Variants in PKNOX2 observed in about 807,000 individuals in gnomAD.
The protein encoded by PKNOX2 is PBX/knotted 1 homeobox 2, also known as homeobox protein PKNOX2.
Under a neutral mutation model 53.1 loss-of-function variants are expected in PKNOX2, and 14 were observed. The ratio of observed to expected loss-of-function variants is 0.26; its 90% CI spans 0.17 to 0.41. The LOEUF (loss-of-function observed/expected upper bound fraction) is 0.41, where lower values mean the gene tolerates loss of function less well. Ranked by LOEUF, PKNOX2 falls within the 10% of genes least tolerant of loss-of-function variation. PKNOX2 has a pLI of 1.00. For synonymous variants in PKNOX2, 257 were observed against 242.8 expected (o/e 1.06, Z -0.54); for missense variants, 496 against 602.8 (o/e 0.82, Z 1.85).
At chr11:125,324,470 C>T (rs1410441116) in intron 2 of PKNOX2, among the ~76,000 whole-genome samples, 2 of 152,124 alleles carry the variant, frequency 1.3e-5, no homozygotes, top group African/African-American at 2.4e-5. Flanking sequence ...GTACAAAATA[C>T]ATCTTAGGCT....
chr11:125,175,745 G>A lies in PKNOX2; in HGVS notation c.-201+10969G>A, dbSNP rs544239857. Among the ~76,000 whole-genome samples the A allele has an allele frequency of 2.2e-4, 33 of 152,304 alleles. No homozygotes were observed. In the East Asian group the frequency reaches 2.5e-3, roughly 12 times the overall value. ...AGAGCCCTGTGCTCACTGTGGGACC[G>A]TCAGAGCTGGCCTCACTTTCCCCAT... On this transcript the variant is annotated intron_variant, in intron 1 of 12. Transcript: ENST00000298282.
chr11:125,279,126 T>A (rs1946376048), intron 2 of PKNOX2, among the ~76,000 whole-genome samples: 2 of 152,218 alleles, frequency 1.3e-5, no homozygotes, highest in African/African-American at 4.8e-5. Flanking sequence ...TGTGGCACCT[T>A]GGTCAAGTGC....
chr11:125,315,506 C>T (rs1287590137), intron 2 of PKNOX2, among the ~76,000 whole-genome samples: 1 of 152,048 alleles, frequency 6.6e-6, no homozygotes, highest in Non-Finnish European at 1.5e-5. Flanking sequence ...GGGCTTGGTG[C>T]CAGCACAGAG....
intron 2 of PKNOX2, among the ~76,000 whole-genome samples, chr11:125,285,926 C>CT (rs766023675): frequency 1.3e-5 from 2 of 152,214 alleles, no homozygotes; most frequent in African/African-American, 4.8e-5. Flanking sequence ...CTTTGCATCT[C>CT]TTCCCCCTTC....
At chr11:125,285,899 T>C (rs557493108) in intron 2 of PKNOX2, among the ~76,000 whole-genome samples, 1 of 152,342 alleles carries the variant, frequency 6.6e-6, no homozygotes, top group East Asian at 1.9e-4. Context: ...GTGGAAATCC[T>C]GGGTGATGGT....
intron 2 of PKNOX2, among the ~76,000 whole-genome samples, chr11:125,301,298 C>A (rs1948046730): frequency 6.6e-6 from 1 of 152,078 alleles, no homozygotes; most frequent in Non-Finnish European, 1.5e-5. Flanking sequence ...GATCCTCCAG[C>A]CCATATGCCC....
At chr11:125,192,262 G>T (rs1956924294) in intron 1 of PKNOX2, among the ~76,000 whole-genome samples, 1 of 152,212 alleles carries the variant, frequency 6.6e-6, no homozygotes, top group South Asian at 2.1e-4. Flanking sequence ...ACTAGGGTTG[G>T]CAGAAGGCTC....
At chr11:125,382,577 T>C (rs554479170) in intron 5 of PKNOX2, among the ~76,000 whole-genome samples, 1 of 152,322 alleles carries the variant, frequency 6.6e-6, no homozygotes, top group African/African-American at 2.4e-5. Flanking sequence ...GGGAGGTTCA[T>C]AAGGCGCAAT....
intron 2 of PKNOX2, among the ~76,000 whole-genome samples, chr11:125,249,409 G>A (rs975959996): frequency 3.9e-5 from 6 of 152,110 alleles, no homozygotes; most frequent in Admixed American, 2.6e-4. Context: ...CCACATCCAC[G>A]AATTCAATCA....
At chr11:125,306,130 C>T (rs1948437090) in intron 2 of PKNOX2, among the ~76,000 whole-genome samples, 1 of 152,062 alleles carries the variant, frequency 6.6e-6, no homozygotes, top group African/African-American at 2.4e-5. Flanking sequence ...GGCCATTCAC[C>T]AAGTCTCTCA....
intron 2 of PKNOX2, among the ~76,000 whole-genome samples, chr11:125,290,315 A>G (rs141018433): frequency 1.1e-3 from 172 of 152,276 alleles, no homozygotes; most frequent in Non-Finnish European, 2.0e-3. Flanking sequence ...TTTTGATGTG[A>G]TGCAAGTTCT....
chr11:125,310,886 C>T (rs575138601), intron 2 of PKNOX2, among the ~76,000 whole-genome samples: 1 of 152,048 alleles, frequency 6.6e-6, no homozygotes, highest in East Asian at 1.9e-4. Flanking sequence ...GGAGTTCAAT[C>T]GTTTGCTTTC....
At chr11:125,221,619 T>A (rs1941161250) in intron 1 of PKNOX2, among the ~76,000 whole-genome samples, 1 of 152,164 alleles carries the variant, frequency 6.6e-6, no homozygotes, top group Non-Finnish European at 1.5e-5. Flanking sequence ...TAATAAATCA[T>A]ATAGTGCCCT....
At position 125,393,154 on chromosome 11, in the gene PKNOX2, G is replaced by A. The variant is rs142842859; in HGVS notation, c.400-4720G>A. On this transcript the variant is annotated intron_variant, in intron 6 of 12. Transcript: ENST00000298282. ...CAGCCTGGGCGACAGAGCAAGACTC[G>A]TCTCAAAAAAAAAAAAAAAAAGAGA... Among the ~76,000 whole-genome samples the A allele has an allele frequency of 8.9e-3, 1,226 of 137,048 alleles. 18 individuals are homozygous for A. Among genetic ancestry groups the A allele is most frequent in the African/African-American group, 0.031 (1,097 of 35,646 alleles). 89.9% of individuals were successfully genotyped at this position (137,048 alleles called of 152,430 possible). A position where few individuals can be genotyped will look rare whatever the true frequency, so the allele number is the denominator to read the frequency against.
In PKNOX2 at chr11:125,178,710, GAAAGAA is replaced by G. The variant is rs373696593; in HGVS notation, c.-201+13936_-201+13941del. Among the ~76,000 whole-genome samples, 785 of 125,004 alleles carry G rather than the reference GAAAGAA, an allele frequency of 6.3e-3. 83 individuals carry two copies. Among genetic ancestry groups the G allele is most frequent in the African/African-American group, 0.034 (743 of 21,722 alleles). 82.0% of individuals were successfully genotyped at this position (125,004 alleles called of 152,430 possible). On this transcript the variant is annotated intron_variant, in intron 1 of 12. Transcript: ENST00000298282. ...AGAGAGAGAGAGAGAAAGAAAGAAA[GAAAGAA>G]AGAGAAAGGAAGGAAGAGAGAAAGG...
In PKNOX2 at chr11:125,351,521, T is replaced by C. The variant is rs374737383; in HGVS notation, c.87+129T>C. ...CAGGCCTCCCGCAATCACGTCCTGG[T>C]GGCACTCCGGGCTCTTTCCCGTCAG... On this transcript the variant is annotated intron_variant, in intron 4 of 12. Transcript: ENST00000298282. The C allele has an allele frequency of 1.9e-4, 121 of 644,240 alleles. 1 individual carries two copies. The highest frequency in any genetic ancestry group is 1.6e-3 in the East Asian group (60 of 36,544). The allele number at this position is 644,240 out of a possible 1,614,324, so 39.9% of individuals were successfully genotyped here. A position where few individuals can be genotyped will look rare whatever the true frequency, so the allele number is the denominator to read the frequency against.
rs937068353 is a variant in PKNOX2, at chr11:125,422,337, T to C, written c.937-6675T>C. 2.0e-5 allele frequency among the ~76,000 whole-genome samples: 3 copies of C among 152,156 alleles called. No individual in the cohort carries two copies. The highest frequency in any genetic ancestry group is 4.4e-5 in the Non-Finnish European group (3 of 68,016). On this transcript the variant is annotated intron_variant, in intron 10 of 12. Coordinates refer to ENST00000298282, the MANE Select transcript of PKNOX2 (RefSeq NM_001382323.2). The surrounding 1 kb of genome is among the most constrained non-coding windows in gnomAD (Gnocchi z 4.1). ...AAGGAGGTCAGGCCAGCTGGGTTCTTGGTTACATTTCTCTCTTTGTCCCAG... is the reference window on the plus strand; with the variant it reads ...AAGGAGGTCAGGCCAGCTGGGTTCTCGGTTACATTTCTCTCTTTGTCCCAG...
intron 3 of PKNOX2, among the ~76,000 whole-genome samples, 191 bp downstream of exon 3, chr11:125,332,116 G>C (rs1464495281): frequency 1.3e-5 from 2 of 152,172 alleles, no homozygotes; most frequent in African/African-American, 4.8e-5. Context: ...GAGGAGGGCT[G>C]GGCCTTATTC....
At chr11:125,265,722 C>T (rs894079509) in intron 2 of PKNOX2, among the ~76,000 whole-genome samples, 5 of 152,210 alleles carry the variant, frequency 3.3e-5, no homozygotes, top group Admixed American at 2.0e-4. Context: ...CAGAGGGTTG[C>T]GGGTCATCTG....
Sources: allele counts gnomAD v4.1 joint callset (sites outside exome capture counted in the v4.1 genomes callset), GRCh38; gene constraint gnomAD v4.1.1; non-coding constraint Gnocchi (gnomAD v3.1); transcripts MANE v1.5; gene names NCBI Gene and HGNC (gene_info 2026-07-23, HGNC 2026-07-21).